Variants in XPO5 observed in about 807,000 individuals in gnomAD.
The protein encoded by XPO5 is exportin-5.
In XPO5, 46 loss-of-function variants were observed where a neutral mutation model predicts 160.6. The observed-to-expected ratio is 0.29, with a 90% CI of 0.23 to 0.37. The LOEUF is 0.37. XPO5 is among the 10% of genes least tolerant of loss of function. XPO5 has a pLI of 1.00. For missense variants in XPO5, 1,090 were observed against 1,463.9 expected, an observed-to-expected ratio of 0.74 and a Z score of 4.17; for synonymous variants, 537 against 519.3, an observed-to-expected ratio of 1.03 and a Z score of -0.46.
chr6:43,527,142 G>A (rs1793648436), intron 26 of XPO5: 1 of 227,858 alleles, frequency 4.4e-6, no homozygotes, highest in South Asian at 7.2e-5. Context: ...TATTCCTAAT[G>A]AATCCAAATT....
At position 43,524,879 on chromosome 6, in the gene XPO5, C is replaced by T; in HGVS notation, c.3264G>A (p.Gly1088=). Residue 1088 remains glycine, a synonymous_variant, in exon 30 of 32, where the codon GGG becomes GGA. Transcript: ENST00000265351. ...KGLQMHGQHD[G]CMASLVHLAF... is the part of the protein sequence containing the mutation. The stretch of plus-strand genomic sequence containing the variant: ...CCAGATGGACCAGGGAAGCCATGCA[C>T]CCGTCGTGCTGCCCGTGCATCTGTA... 1 of 1,613,996 alleles carries T rather than the reference C, an allele frequency of 6.2e-7. No individual in the cohort carries two copies. The highest frequency in any genetic ancestry group is 1.1e-5 in the South Asian group (1 of 91,090).
intron 8 of XPO5, among the ~76,000 whole-genome samples, chr6:43,564,484 G>A (rs562619221): frequency 8.4e-4 from 127 of 151,398 alleles, no homozygotes; most frequent in African/African-American, 2.8e-3. Context: ...AGCTGAGATC[G>A]CATCATTGCA....
rs2127735942 is a variant in XPO5, at chr6:43,553,679, G to C, written c.1442-176C>G. ...AGCTGGGGCAAAGAAAAGATGATGT[G>C]TGCTGAAAGCAATGAGGTAGGTGAA... On this transcript the variant is annotated intron_variant, in intron 13 of 31. Coordinates refer to ENST00000265351, the MANE Select transcript of XPO5 (RefSeq NM_020750.3). 2.2e-6 allele frequency: 3 copies of C among 1,349,066 alleles called. No individual in the cohort carries two copies. The African/African-American group carries it at 4.4e-5, about 20-fold the overall frequency. The allele number at this position is 1,349,066 out of a possible 1,614,324, so 83.6% of individuals were successfully genotyped here.
At chr6:43,541,643 T>A (rs147161152) in intron 20 of XPO5, among the ~76,000 whole-genome samples, 66 of 147,114 alleles carry the variant, frequency 4.5e-4, no homozygotes, top group African/African-American at 1.6e-3. Context: ...TCTCTAGATA[T>A]TTCATAAAAA....
At chr6:43,560,839 T>C in intron 10 of XPO5, 85 bp downstream of exon 10, 2 of 1,118,158 alleles carry the variant, frequency 1.8e-6, no homozygotes, top group South Asian at 1.3e-5. Flanking sequence ...ATTTTATACA[T>C]GATCTACAAT....
Position 43,531,654 on chromosome 6 carries a change from T to G in XPO5, c.2444-79A>C. ...TGGCCAACACTCTACAGCAGGAAGC[T>G]GTTGTTCAGGGGTGAAGATGTGTGC... On this transcript the variant is annotated intron_variant, in intron 21 of 31. Transcript: ENST00000265351. 6 of 1,275,544 alleles carry G rather than the reference T, an allele frequency of 4.7e-6. No homozygotes were observed. The South Asian group carries it at 7.2e-5, about 15-fold the overall frequency. The allele number at this position is 1,275,544 out of a possible 1,614,324, so 79.0% of individuals were successfully genotyped here. A position where few individuals can be genotyped will look rare whatever the true frequency, so the allele number is the denominator to read the frequency against.
chr6:43,540,420 A>T (rs1794630018), intron 20 of XPO5, among the ~76,000 whole-genome samples: 1 of 152,186 alleles, frequency 6.6e-6, no homozygotes, highest in African/African-American at 2.4e-5. Flanking sequence ...CAGAGCTTGC[A>T]GTGAGCCGAG....
At chr6:43,539,653 AG>A in intron 20 of XPO5, 1 of 1,180,014 alleles carries the variant, frequency 8.5e-7, no homozygotes, top group Non-Finnish European at 1.2e-6. Context: ...TCCCCATCCC[AG>A]GGCCACCAGG....
chr6:43,529,261 T>G (rs1229209339), intron 23 of XPO5: 1 of 1,368,486 alleles, frequency 7.3e-7, no homozygotes, highest in Non-Finnish European at 9.7e-7. Flanking sequence ...AAGAAAGATT[T>G]GCTGGCTGCG....
At chr6:43,528,269 A>C in intron 24 of XPO5, 64 bp from the exon 25 acceptor site, 2 of 1,485,888 alleles carry the variant, frequency 1.3e-6, no homozygotes, top group Non-Finnish European at 1.8e-6. Context: ...ATAATATCTA[A>C]AGTCAAGTCC....
intron 6 of XPO5, 114 bp downstream of exon 6, chr6:43,568,595 CCT>C (rs1762825827): frequency 2.2e-6 from 2 of 927,704 alleles, no homozygotes; most frequent in Admixed American, 5.8e-5. Context: ...AACAGTAAGA[CCT>C]GTCTCCAAAA....
intron 14 of XPO5, 48 bp downstream of exon 14, chr6:43,553,325 A>T (rs760683829): frequency 6.4e-7 from 1 of 1,568,370 alleles, no homozygotes. Flanking sequence ...AAAAGAAAAG[A>T]AAAAGGTCAA....
At chr6:43,567,141 G>A (rs772402796) in intron 7 of XPO5, 28 bp downstream of exon 7, 1 of 1,594,668 alleles carries the variant, frequency 6.3e-7, no homozygotes, top group South Asian at 1.1e-5. Context: ...AGAGACTGAG[G>A]ATAAGTCAGT....
chr6:43,548,118 G>A, intron 18 of XPO5, 143 bp downstream of exon 18: 1 of 844,118 alleles, frequency 1.2e-6, no homozygotes, highest in Non-Finnish European at 1.8e-6. Context: ...AATTACAAAA[G>A]ACTGCTTTTA....
chr6:43,538,134 G>A (rs1794459611), intron 20 of XPO5, among the ~76,000 whole-genome samples: 1 of 113,502 alleles, frequency 8.8e-6, no homozygotes, highest in Admixed American at 9.2e-5. Context: ...GAGCCTAAGA[G>A]ACATCTTTTT....
At chr6:43,570,320 A>C (rs1762947456) in intron 5 of XPO5, among the ~76,000 whole-genome samples, 182 bp downstream of exon 5, 1 of 150,480 alleles carries the variant, frequency 6.6e-6, no homozygotes, top group Non-Finnish European at 1.5e-5. Flanking sequence ...TCAAAAAAAA[A>C]AAAAAAAAAA....
chr6:43,554,423 T>C (rs987895875), intron 13 of XPO5, among the ~76,000 whole-genome samples: 14 of 131,932 alleles, frequency 1.1e-4, no homozygotes, highest in African/African-American at 3.6e-4. Flanking sequence ...TTTTCTTTTC[T>C]TTTTTTTTTT....
At chr6:43,531,801 T>G (rs989708854) in intron 21 of XPO5, among the ~76,000 whole-genome samples, 1 of 152,136 alleles carries the variant, frequency 6.6e-6, no homozygotes, top group Non-Finnish European at 1.5e-5. Flanking sequence ...TATCTGCTTT[T>G]TTTTTTCCCC....
rs1229658837 is a variant in XPO5, at chr6:43,560,309, G to C, written c.1096-6C>G. 2.5e-6 allele frequency: 4 copies of C among 1,572,352 alleles called. No homozygotes were observed. Among genetic ancestry groups the C allele is most frequent in the Non-Finnish European group, 3.4e-6 (4 of 1,163,554 alleles). ...TGAGTTGAAGAGCGTAGAAACTAAA[G>C]AGAAAAAAAAAAGAAAACGTCAAAG... On this transcript the variant is annotated splice_polypyrimidine_tract_variant and splice_region_variant and intron_variant, in intron 10 of 31. Coordinates refer to ENST00000265351, the MANE Select transcript of XPO5 (RefSeq NM_020750.3).
Sources: gnomAD v4.1 joint callset for allele counts (sites outside exome capture counted in the v4.1 genomes callset) on GRCh38, gnomAD v4.1.1 for gene constraint, MANE v1.5 for transcripts, NCBI Gene and HGNC (gene_info 2026-07-23, HGNC 2026-07-21) for gene names.